The following RTL4 variants were observed in gnomAD, a reference collection of about 807,000 sequenced individuals.
RTL4 encodes retrotransposon Gag-like protein 4.
A neutral mutation model predicts 5.3 loss-of-function variants in RTL4; 4 were observed. That is an observed-to-expected ratio of 0.75 (90% CI 0.37 to 1.72). The LOEUF (loss-of-function observed/expected upper bound fraction) is 1.72. RTL4 is among the 40% of genes most tolerant of loss of function. The pLI, the probability that RTL4 is intolerant of heterozygous loss-of-function variation, is 0.04. For synonymous variants in RTL4, 98 were observed against 87.3 expected (o/e 1.12, Z -0.68); for missense variants, 260 against 227.1 (o/e 1.14, Z -0.93).
At chrX:112,243,716 C>T in the RTL4 span, among the ~76,000 whole-genome samples, 1 of 111,293 alleles carries the variant, frequency 9.0e-6, no homozygotes, top group Non-Finnish European at 1.9e-5. Flanking sequence ...CTCTGATCTT[C>T]GTTATGTCTT....
chrX:112,089,498 G>A, the RTL4 span, among the ~76,000 whole-genome samples: 2 of 110,980 alleles, frequency 1.8e-5, no homozygotes, highest in Admixed American at 9.6e-5. Context: ...TTGTTGAAGA[G>A]ACCATTCTTT....
chrX:112,232,693 C>T, the RTL4 span, among the ~76,000 whole-genome samples: 1 of 112,240 alleles, frequency 8.9e-6, no homozygotes, highest in Non-Finnish European at 1.9e-5. Context: ...CATTTGGTCA[C>T]AGCAGAAAAG....
At chrX:112,330,103 A>G in the RTL4 span, among the ~76,000 whole-genome samples, 1 of 98,518 alleles carries the variant, frequency 1.0e-5, no homozygotes, top group Admixed American at 1.1e-4. Flanking sequence ...CTGGCACAAG[A>G]CAGGGATGCC....
chrX:112,328,628 G>T, the RTL4 span, among the ~76,000 whole-genome samples: 2 of 111,439 alleles, frequency 1.8e-5, no homozygotes, highest in Non-Finnish European at 3.8e-5. Flanking sequence ...GGATACCCAG[G>T]AATTGAACTC....
the RTL4 span, among the ~76,000 whole-genome samples, chrX:112,431,414 T>C: frequency 0.48 from 53,486 of 110,660 alleles, 9,801 homozygotes; most frequent in African/African-American, 0.65. Flanking sequence ...TAATAAAACT[T>C]ACAAAAATGT....
At chrX:112,366,977 T>G in the RTL4 span, among the ~76,000 whole-genome samples, 1 of 111,186 alleles carries the variant, frequency 9.0e-6, no homozygotes, top group African/African-American at 3.3e-5. Flanking sequence ...TGATAGACAG[T>G]CACCTTTGAG....
chrX:112,363,081 G>A, the RTL4 span, among the ~76,000 whole-genome samples: 1 of 110,823 alleles, frequency 9.0e-6, no homozygotes, highest in Non-Finnish European at 1.9e-5. Flanking sequence ...TCAGAAAAGG[G>A]TAAAGGTGGG....
the RTL4 span, among the ~76,000 whole-genome samples, chrX:112,385,442 T>A: frequency 9.0e-6 from 1 of 111,459 alleles, no homozygotes; most frequent in Admixed American, 9.5e-5. Flanking sequence ...GACAGTATTT[T>A]CAACAGCATT....
At chrX:112,455,833 C>T (rs1287298453) in exon 1 of RTL4, 2 of 456,235 alleles carry the variant, frequency 4.4e-6, no homozygotes, top group Admixed American at 4.8e-5. Flanking sequence ...TGGCAAATTA[C>T]CCCTCACGAA....
chrX:112,195,481 C>A, the RTL4 span, among the ~76,000 whole-genome samples: 1 of 111,753 alleles, frequency 8.9e-6, no homozygotes. Flanking sequence ...GAAAGTCCCA[C>A]TTGATTCCTA....
At chrX:112,267,203 C>A in the RTL4 span, among the ~76,000 whole-genome samples, 3 of 111,894 alleles carry the variant, frequency 2.7e-5, no homozygotes, top group East Asian at 8.5e-4. Flanking sequence ...TACTTACTGT[C>A]CCCAATTTTC....
chrX:112,348,817 A>T, the RTL4 span, among the ~76,000 whole-genome samples: 2 of 110,305 alleles, frequency 1.8e-5, no homozygotes, highest in Non-Finnish European at 3.8e-5. Context: ...GTCCTGAATA[A>T]ATAGTGTGGT....
chrX:112,208,970 C>A, the RTL4 span, among the ~76,000 whole-genome samples: 1 of 112,350 alleles, frequency 8.9e-6, no homozygotes, highest in East Asian at 2.8e-4. Flanking sequence ...CCAGGTCAGC[C>A]TTGGTGGGTG....
the RTL4 span, among the ~76,000 whole-genome samples, chrX:112,392,937 C>G: frequency 9.1e-6 from 1 of 110,424 alleles, no homozygotes; most frequent in Admixed American, 9.5e-5. Flanking sequence ...AGCTAGGTCA[C>G]CCAAACAGCA....
At chrX:112,302,708 C>T in the RTL4 span, among the ~76,000 whole-genome samples, 2 of 112,021 alleles carry the variant, frequency 1.8e-5, no homozygotes, top group African/African-American at 6.5e-5. Context: ...AAATATTTTT[C>T]GAGCATTTAC....
chrX:112,369,719 C>T, the RTL4 span, among the ~76,000 whole-genome samples: 712 of 112,094 alleles, frequency 6.4e-3, 4 homozygotes, highest in African/African-American at 0.021. Context: ...GCAAATCTGA[C>T]TTATGCTTTA....
At chrX:112,239,741 C>T in the RTL4 span, among the ~76,000 whole-genome samples, 44 of 111,479 alleles carry the variant, frequency 3.9e-4, no homozygotes, top group African/African-American at 1.3e-3. Context: ...TAGGATAGTA[C>T]GATTTAACCT....
At chrX:112,280,731 G>A in the RTL4 span, among the ~76,000 whole-genome samples, 1 of 111,432 alleles carries the variant, frequency 9.0e-6, no homozygotes, top group Non-Finnish European at 1.9e-5. Context: ...CTGGCCACAA[G>A]CAGTCCTCCC....
chrX:112,115,564 C>T, the RTL4 span, among the ~76,000 whole-genome samples: 1 of 111,281 alleles, frequency 9.0e-6, no homozygotes, highest in Non-Finnish European at 1.9e-5. Flanking sequence ...CTCACCATAT[C>T]CTAGCTTTGG....
Sources: allele counts gnomAD v4.1 joint callset (sites outside exome capture counted in the v4.1 genomes callset), GRCh38; gene constraint gnomAD v4.1.1; transcripts MANE v1.5; gene names NCBI Gene and HGNC (gene_info 2026-07-23, HGNC 2026-07-21).